MYO5B: variants seen among roughly 807,000 people sequenced by gnomAD.
MYO5B encodes the protein myosin VB.
In MYO5B, 143 loss-of-function variants were observed where a neutral mutation model predicts 229.3. The ratio of observed to expected loss-of-function variants is 0.62; its 90% CI spans 0.54 to 0.72. MYO5B has a LOEUF of 0.72. Among genes scored for constraint, MYO5B ranks in the 30% least tolerant of loss-of-function variants. The pLI is 0.00. For missense variants in MYO5B, 2,321 were observed against 2,331.0 expected (o/e 1.00, Z 0.09); for synonymous variants, 918 against 885.2 (o/e 1.04, Z -0.66).
intron 8 of MYO5B, among the ~76,000 whole-genome samples, chr18:49,982,877 C>T (rs1465103794): frequency 6.6e-6 from 1 of 152,158 alleles, no homozygotes; most frequent in Non-Finnish European, 1.5e-5. Flanking sequence ...AAGCAATTTG[C>T]TTTGAGCATT....
chr18:50,187,517 G>C (rs8086076), intron 1 of MYO5B, among the ~76,000 whole-genome samples: 22 of 150,578 alleles, frequency 1.5e-4, no homozygotes, highest in Non-Finnish European at 8.9e-5. Context: ...TGCTTTTTTT[G>C]GGGGGGTGGG....
intron 1 of MYO5B, among the ~76,000 whole-genome samples, chr18:50,177,834 G>C (rs897891740): frequency 6.6e-6 from 1 of 152,204 alleles, no homozygotes; most frequent in Non-Finnish European, 1.5e-5. Context: ...ACAGGGAATA[G>C]CAAGAGGTGA....
intron 5 of MYO5B, among the ~76,000 whole-genome samples, chr18:49,994,623 G>A (rs2025967685): frequency 6.6e-6 from 1 of 152,196 alleles, no homozygotes; most frequent in Non-Finnish European, 1.5e-5. Context: ...CCAGCCTGAT[G>A]TAACTCTCAG....
At chr18:50,083,395 T>C (rs1000248601) in intron 1 of MYO5B, among the ~76,000 whole-genome samples, 5 of 152,190 alleles carry the variant, frequency 3.3e-5, no homozygotes, top group Non-Finnish European at 7.4e-5. Context: ...AACCCTCTAA[T>C]CATGCCTTGG....
intron 14 of MYO5B, among the ~76,000 whole-genome samples, chr18:49,953,002 GT>G (rs1241751842): frequency 6.6e-6 from 1 of 151,784 alleles, no homozygotes; most frequent in African/African-American, 2.4e-5. Context: ...ATCTTTCCCA[GT>G]TTTCTCCCCC....
chr18:49,898,619 G>A (rs2024807317), intron 21 of MYO5B, among the ~76,000 whole-genome samples: 3 of 152,166 alleles, frequency 2.0e-5, no homozygotes, highest in Admixed American at 6.5e-5. Context: ...GGCTTGTCAC[G>A]TCACAGATTA....
At chr18:50,005,707 G>A (rs2144333757) in intron 4 of MYO5B, among the ~76,000 whole-genome samples, 1 of 152,280 alleles carries the variant, frequency 6.6e-6, no homozygotes, top group South Asian at 2.1e-4. Context: ...ATGAGCCACT[G>A]CCTGGCCTAT....
intron 1 of MYO5B, among the ~76,000 whole-genome samples, chr18:50,152,864 T>TAAAAAAAAAAAAAAAAAAAAAAAAAAAA (rs67858852): frequency 8.0e-6 from 1 of 125,442 alleles, no homozygotes; most frequent in Non-Finnish European, 1.7e-5. Flanking sequence ...TTCTCAAAAC[T>TAAAAAAAAAAAAAAAAAAAAAAAAAAAA]AAAAAAAAAA....
intron 20 of MYO5B, 64 bp downstream of exon 20, chr18:49,904,608 A>G: frequency 2.5e-6 from 4 of 1,600,966 alleles, no homozygotes; most frequent in Middle Eastern, 1.7e-4. Flanking sequence ...CGTTGGCAGT[A>G]ATTCATCTGT....
intron 1 of MYO5B, among the ~76,000 whole-genome samples, chr18:50,142,280 A>G: frequency 6.6e-6 from 1 of 152,236 alleles, no homozygotes; most frequent in Non-Finnish European, 1.5e-5. Flanking sequence ...GCAGGCAAGG[A>G]AGAGCTTGGC....
At chr18:50,146,804 C>G (rs1264931644) in intron 1 of MYO5B, among the ~76,000 whole-genome samples, 1 of 152,188 alleles carries the variant, frequency 6.6e-6, no homozygotes, top group African/African-American at 2.4e-5. Context: ...AAATAAAAAA[C>G]TTACGTATTT....
chr18:49,864,276 G>C lies in MYO5B; in HGVS notation c.3708C>G (p.Ser1236=), dbSNP rs751752887. 4.3e-6 allele frequency: 7 copies of C among 1,614,214 alleles called. No homozygotes were observed. The highest frequency in any genetic ancestry group is 5.9e-6 in the Non-Finnish European group (7 of 1,180,050). The change falls in exon 28 of 40, where the codon TCC becomes TCG. Residue 1236 remains serine (S), a synonymous_variant. Transcript: ENST00000285039. ...TCAGCAGGAGGCTGTAGCTATCTGG[G>C]GAGCCGTGGCTGGAGTTATTCTGCG... ...QATQNNSSHG[S]PDSYSLLLNQ... is the part of the protein sequence containing the mutation.
chr18:50,047,384 A>T (rs1598979761), intron 2 of MYO5B, among the ~76,000 whole-genome samples: 1 of 152,250 alleles, frequency 6.6e-6, no homozygotes, highest in South Asian at 2.1e-4. Flanking sequence ...TCAAAACCAC[A>T]ATGAGATACC....
chr18:50,046,123 G>C (rs973111786), intron 2 of MYO5B, among the ~76,000 whole-genome samples: 3 of 152,188 alleles, frequency 2.0e-5, no homozygotes, highest in Admixed American at 1.3e-4. Flanking sequence ...TAAAAACAGG[G>C]TTACCAGCTG....
At chr18:50,090,356 T>A (rs1301448711) in intron 1 of MYO5B, among the ~76,000 whole-genome samples, 10 of 122,966 alleles carry the variant, frequency 8.1e-5, no homozygotes, top group East Asian at 7.2e-4. Context: ...AAAAAAAAAA[T>A]TCCCTCTGAG....
In MYO5B at chr18:50,142,799, C is replaced by T. The variant is rs535166884; in HGVS notation, c.27+51968G>A. ...AACCTCAGTCTAACAATGACAACAG[C>T]ATTCAGGTTTGCCTCGATTTGCAAA... On this transcript the variant is annotated intron_variant, in intron 1 of 39. Coordinates refer to ENST00000285039, the MANE Select transcript of MYO5B (RefSeq NM_001080467.3). 2.2e-4 allele frequency among the ~76,000 whole-genome samples: 34 copies of T among 152,328 alleles called. 1 individual carries two copies. In the South Asian group the frequency reaches 7.0e-3, roughly 32 times the overall value.
In MYO5B at chr18:49,839,169, G is replaced by C. The variant is rs369167986; in HGVS notation, c.4827C>G (p.Ala1609=). Residue 1609 remains alanine, a synonymous_variant, in exon 36 of 40, where the codon GCC becomes GCG. Transcript: ENST00000285039. ...IQIYQQLIKI[A]EGVLQPMIVS... ...CTATCATCGGCTGTAACACGCCCTC[G>C]GCAATTTTAATGAGCTGCTGGTAGA... The C allele has an allele frequency of 1.9e-6, 3 of 1,613,772 alleles. No individual in the cohort carries two copies. The highest frequency in any genetic ancestry group is 1.7e-4 in the Middle Eastern group (1 of 5,896).
intron 17 of MYO5B, among the ~76,000 whole-genome samples, chr18:49,921,420 G>A (rs755751230): frequency 9.9e-5 from 15 of 152,134 alleles, no homozygotes; most frequent in Non-Finnish European, 1.6e-4. Context: ...CGAGACCTAG[G>A]AGCTGGGTGA....
chr18:49,838,495 G>A (rs1332729683), intron 36 of MYO5B, among the ~76,000 whole-genome samples: 1 of 152,170 alleles, frequency 6.6e-6, no homozygotes, highest in Non-Finnish European at 1.5e-5. Context: ...TTCAAGTAAT[G>A]TATTTCTAGA....
Sources: gnomAD v4.1 joint callset for allele counts (sites outside exome capture counted in the v4.1 genomes callset) on GRCh38, gnomAD v4.1.1 for gene constraint, MANE v1.5 for transcripts, NCBI Gene and HGNC (gene_info 2026-07-23, HGNC 2026-07-21) for gene names.